Variants in BTN2A1 observed in about 807,000 individuals in gnomAD.
The protein encoded by BTN2A1 is butyrophilin, subfamily 2, member A1.
In BTN2A1, 41 loss-of-function variants were observed where a neutral mutation model predicts 34.5. That is an observed-to-expected ratio of 1.19 (90% CI 0.93 to 1.54). BTN2A1 has a LOEUF of 1.54. BTN2A1 is among the 40% of genes most tolerant of loss of function. The pLI is 0.00. For missense variants in BTN2A1, 642 were observed against 662.0 expected (o/e 0.97, Z 0.33); for synonymous variants, 267 against 258.6 (o/e 1.03, Z -0.31).
At chr6:26,466,276 C>T (rs1336320064) in intron 7 of BTN2A1, among the ~76,000 whole-genome samples, 188 bp downstream of exon 7, 8 of 152,212 alleles carry the variant, frequency 5.3e-5, no homozygotes, top group Non-Finnish European at 1.2e-4. Flanking sequence ...CAGCAGCTCT[C>T]AATCCACCCT....
At position 26,463,345 on chromosome 6, in the gene BTN2A1, T is replaced by C; in HGVS notation, c.532T>C (p.Trp178Arg). ...GTGGTACCCAAAGCCCCTCACAGTG[T>C]GGAGGGACCCCTACGGTGGGGTTGC... ...RGWYPKPLTVWRDPYGGVAPA... is the reference protein window; with the variant it reads ...RGWYPKPLTVRRDPYGGVAPA... Residue 178 changes from tryptophan to arginine, a missense_variant, in exon 4 of 8, where the codon TGG becomes CGG. Coordinates refer to ENST00000312541, the MANE Select transcript of BTN2A1 (RefSeq NM_007049.5). 2 of 1,614,006 alleles carry C rather than the reference T, an allele frequency of 1.2e-6. No homozygotes were observed. The highest frequency in any genetic ancestry group is 1.7e-6 in the Non-Finnish European group (2 of 1,179,980).
chr6:26,459,398 G>A lies in BTN2A1; in HGVS notation c.83-83G>A, dbSNP rs1763097105. 1.1e-5 allele frequency: 16 copies of A among 1,462,792 alleles called. 1 individual carries two copies. The Middle Eastern group carries it at 5.4e-4, about 49-fold the overall frequency. The allele number at this position is 1,462,792 out of a possible 1,614,324, so 90.6% of individuals were successfully genotyped here. ...CTATGGCCATGGAAAAAATAAGTTT[G>A]TCCCTAGAATATCTGCTTCCTTTCT... On this transcript the variant is annotated intron_variant, in intron 2 of 7. Coordinates refer to ENST00000312541, the MANE Select transcript of BTN2A1 (RefSeq NM_007049.5).
At chr6:26,467,701 A>G (rs1374170133) in intron 7 of BTN2A1, 4 of 1,583,070 alleles carry the variant, frequency 2.5e-6, no homozygotes, top group Non-Finnish European at 3.4e-6. Context: ...CATTTGCTAA[A>G]CTTTCCGGAT....
chr6:26,467,977 C>T lies in BTN2A1; in HGVS notation c.1012C>T (p.His338Tyr). The T allele has an allele frequency of 6.2e-7, 1 of 1,614,026 alleles. No individual in the cohort carries two copies. The highest frequency in any genetic ancestry group is 8.5e-7 in the Non-Finnish European group (1 of 1,179,894). The change falls in exon 8 of 8, where the codon CAT becomes TAT. Residue 338 changes from histidine (H) to tyrosine (Y), a missense_variant. By Grantham distance (83) the His-to-Tyr change is moderately conservative. Transcript: ENST00000312541. Reference sequence around the variant, plus strand: ...TGTGGTCCTGGATCCAGACACCGCTCATCCCGATCTCTTCCTGTCAGAGGA... The same window carrying T: ...TGTGGTCCTGGATCCAGACACCGCTTATCCCGATCTCTTCCTGTCAGAGGA... ...VDVVLDPDTA[H>Y]PDLFLSEDRR...
chr6:26,463,370 C>T lies in BTN2A1; in HGVS notation c.557C>T (p.Ala186Val), dbSNP rs139773763. 100 of 1,613,936 alleles carry T rather than the reference C, an allele frequency of 6.2e-5. No individual in the cohort carries two copies. The African/African-American group carries it at 9.6e-4, about 16-fold the overall frequency. ...TGGAGGGACCCCTACGGTGGGGTTG[C>T]GCCTGCCCTGAAAGAGGTCTCCATG... ...TVWRDPYGGV[A>V]PALKEVSMPD... is the part of the protein sequence containing the mutation. The change falls in exon 4 of 8, where the codon GCG becomes GTG. Residue 186 changes from alanine (A) to valine (V), a missense_variant. Transcript: ENST00000312541.
downstream of BTN2A1, among the ~76,000 whole-genome samples, chr6:26,473,844 C>T (rs1260774774): frequency 6.6e-6 from 1 of 151,708 alleles, no homozygotes; most frequent in African/African-American, 2.4e-5. Flanking sequence ...TGAAACTTTT[C>T]GTCAATGTGT....
In BTN2A1 at chr6:26,468,625, G is replaced by C; in HGVS notation, c.*76G>C. On this transcript the variant is annotated 3_prime_UTR_variant, in exon 8 of 8. Coordinates refer to ENST00000312541, the MANE Select transcript of BTN2A1 (RefSeq NM_007049.5). ...CAGCCACCGCACAACACCCCTGGTG[G>C]AAGACACGCCCTCCTCCCCTCTGGT... 3 of 1,614,120 alleles carry C rather than the reference G, an allele frequency of 1.9e-6. No individual in the cohort carries two copies. The highest frequency in any genetic ancestry group is 2.5e-6 in the Non-Finnish European group (3 of 1,180,022).
chr6:26,472,221 G>A (rs1478444098), downstream of BTN2A1, among the ~76,000 whole-genome samples: 3 of 152,154 alleles, frequency 2.0e-5, no homozygotes. Context: ...GAAAGTAAGG[G>A]GAGTGTAAGG....
In BTN2A1 at chr6:26,469,107, T is replaced by A. The variant is rs2113868327; in HGVS notation, c.*558T>A. ...GGGGACCTGGGAGATGATGGCTCAT[T>A]TCCACCCAGCCCCAGGATTTCCAGA... is the stretch of plus-strand genomic sequence containing the variant. On this transcript the variant is annotated 3_prime_UTR_variant, in exon 8 of 8. Transcript: ENST00000312541. The A allele has an allele frequency of 9.1e-7, 1 of 1,098,756 alleles. No individual in the cohort carries two copies. The highest frequency in any genetic ancestry group is 1.6e-5 in the African/African-American group (1 of 61,164). The allele number at this position is 1,098,756 out of a possible 1,614,324, so 68.1% of individuals were successfully genotyped here.
rs73738449 is a variant in BTN2A1, at chr6:26,460,514, C to A, written c.430+686C>A. 1.6e-3 allele frequency among the ~76,000 whole-genome samples: 249 copies of A among 152,232 alleles called. 2 individuals carry two copies. Among genetic ancestry groups the A allele is most frequent in the African/African-American group, 3.5e-3 (147 of 41,512 alleles). ...ATTTTGCTGGGAGGTAATAGGGAAG[C>A]CTTCCACATAAAAATGCATTTAAAC... On this transcript the variant is annotated intron_variant, in intron 3 of 7. Coordinates refer to ENST00000312541, the MANE Select transcript of BTN2A1 (RefSeq NM_007049.5).
Position 26,468,482 on chromosome 6 carries a change from C to T in BTN2A1, c.1517C>T (p.Ala506Val). The change falls in exon 8 of 8, where the codon GCC becomes GTC. Residue 506 changes from alanine to valine, a missense_variant. Ala to Val is a moderately conservative substitution (Grantham distance 64). Transcript: ENST00000312541. The stretch of plus-strand genomic sequence containing the variant: ...TTCATCTGCCCTGCACTCACAGGAG[C>T]CAATGGGGTCACGGTGCCTGAAGAG... The part of the protein sequence containing the change: ...PIFICPALTG[A>V]NGVTVPEEGL... 6.2e-7 allele frequency: 1 copy of T among 1,614,144 alleles called. No homozygotes were observed. The highest frequency in any genetic ancestry group is 8.5e-7 in the Non-Finnish European group (1 of 1,180,038).
In BTN2A1 at chr6:26,468,726, A is replaced by T; in HGVS notation, c.*177A>T. ...CAGCCCCAGTTTTCTCCTCCTCACT[A>T]GGCTGTGTTTTTAGTAGTTCCTTTG... is the stretch of plus-strand genomic sequence containing the variant. On this transcript the variant is annotated 3_prime_UTR_variant, in exon 8 of 8. Coordinates refer to ENST00000312541, the MANE Select transcript of BTN2A1 (RefSeq NM_007049.5). 2 of 1,612,586 alleles carry T rather than the reference A, an allele frequency of 1.2e-6. No homozygotes were observed. Among genetic ancestry groups the T allele is most frequent in the Non-Finnish European group, 1.7e-6 (2 of 1,179,570 alleles).
chr6:26,466,005 A>C, intron 6 of BTN2A1, 32 bp downstream of exon 6: 1 of 1,614,232 alleles, frequency 6.2e-7, no homozygotes, highest in Non-Finnish European at 8.5e-7. Context: ...CTACATGTAC[A>C]ATTTGAGTTC....
downstream of BTN2A1, among the ~76,000 whole-genome samples, chr6:26,472,459 C>T (rs1258437619): frequency 1.3e-5 from 2 of 152,214 alleles, no homozygotes; most frequent in Non-Finnish European, 2.9e-5. Context: ...GTATCATTTT[C>T]TACCAGCCAA....
chr6:26,466,219 A>G lies in BTN2A1; in HGVS notation c.982+131A>G. ...GCAGGGAACGGGGGTCAGTTCATCA[A>G]CAGTGTCCCAGCAATGATGCATCAT... On this transcript the variant is annotated intron_variant, in intron 7 of 7. Coordinates refer to ENST00000312541, the MANE Select transcript of BTN2A1 (RefSeq NM_007049.5). 7 of 1,352,520 alleles carry G rather than the reference A, an allele frequency of 5.2e-6. No homozygotes were observed. In the South Asian group the frequency reaches 7.0e-5, roughly 14 times the overall value. 83.8% of individuals were successfully genotyped at this position (1,352,520 alleles called of 1,614,324 possible).
At chr6:26,460,833 C>T (rs1280722950) in intron 3 of BTN2A1, among the ~76,000 whole-genome samples, 15 of 152,196 alleles carry the variant, frequency 9.9e-5, no homozygotes, top group Non-Finnish European at 4.4e-5. Context: ...TTGCTTGAAC[C>T]CAGGAGGCAG....
At chr6:26,464,196 C>A (rs546207151) in intron 4 of BTN2A1, among the ~76,000 whole-genome samples, 2 of 152,218 alleles carry the variant, frequency 1.3e-5, no homozygotes, top group Admixed American at 1.3e-4. Context: ...CTGTAGCCAT[C>A]CCTTCCTGTG....
chr6:26,470,584 G>A (rs1763431951), downstream of BTN2A1, among the ~76,000 whole-genome samples: 1 of 152,200 alleles, frequency 6.6e-6, no homozygotes, highest in South Asian at 2.1e-4. Context: ...AGTGGACTGA[G>A]TGGAAGAGAT....
In BTN2A1 at chr6:26,468,264, C is replaced by T. The variant is rs777097904; in HGVS notation, c.1299C>T (p.Ala433=). 2 of 1,614,186 alleles carry T rather than the reference C, an allele frequency of 1.2e-6. No individual in the cohort carries two copies. Among genetic ancestry groups the T allele is most frequent in the Non-Finnish European group, 1.7e-6 (2 of 1,180,030 alleles). ...AGATGCATAAAGGGCAATACCGGGC[C>T]GTGTCCTCCCCTGATAGGATTCTCC... ...TLEMHKGQYR[A]VSSPDRILPL... Residue 433 remains alanine (A), a synonymous_variant, in exon 8 of 8, where the codon GCC becomes GCT. Coordinates refer to ENST00000312541, the MANE Select transcript of BTN2A1 (RefSeq NM_007049.5).
Sources: allele counts gnomAD v4.1 joint callset (sites outside exome capture counted in the v4.1 genomes callset), GRCh38; gene constraint gnomAD v4.1.1; transcripts MANE v1.5; gene names NCBI Gene and HGNC (gene_info 2026-07-23, HGNC 2026-07-21).